TUBGCP3: variants seen among roughly 807,000 people sequenced by gnomAD.
TUBGCP3 encodes the protein tubulin gamma complex component 3.
In TUBGCP3, 50 loss-of-function variants were observed where a neutral mutation model predicts 123.1. The observed-to-expected ratio is 0.41, with a 90% CI of 0.32 to 0.51. The LOEUF (loss-of-function observed/expected upper bound fraction) is 0.51, where lower values mean the gene tolerates loss of function less well. TUBGCP3 is among the 20% of genes least tolerant of loss of function. TUBGCP3 has a pLI of 0.36. For synonymous variants in TUBGCP3, 405 were observed against 413.9 expected, an observed-to-expected ratio of 0.98 and a Z score of 0.26; for missense variants, 882 against 1,127.0, an observed-to-expected ratio of 0.78 and a Z score of 3.11.
In TUBGCP3 at chr13:112,547,734, G is replaced by T; in HGVS notation, c.1054C>A (p.Gln352Lys). 1 of 1,512,902 alleles carries T rather than the reference G, an allele frequency of 6.6e-7. No homozygotes were observed. The highest frequency in any genetic ancestry group is 8.9e-7 in the Non-Finnish European group (1 of 1,127,852). 93.7% of individuals were successfully genotyped at this position (1,512,902 alleles called of 1,614,324 possible). ...CTCTCAAGTCCCAAATTCACACCCT[G>T]GTCATCCTCTAGTTGTAGCTAAAAA... ...LHSQLQLEDD[Q>K]GVNLGLESSL... Residue 352 changes from glutamine (Q) to lysine (K), a missense_variant, in exon 10 of 22, where the codon CAG (glutamine) becomes AAG (lysine). This residue lies in a region of TUBGCP3 where 713 missense variants were observed against 874.0 expected (regional missense o/e 0.82). Transcript: ENST00000261965.
chr13:112,588,596 G>C (rs1882795968), upstream of TUBGCP3, among the ~76,000 whole-genome samples: 1 of 152,168 alleles, frequency 6.6e-6, no homozygotes, highest in Non-Finnish European at 1.5e-5. Flanking sequence ...GCACTGCCGC[G>C]CGGGCCGGTC....
At chr13:112,493,459 C>T in intron 20 of TUBGCP3, among the ~76,000 whole-genome samples, 1 of 146,826 alleles carries the variant, frequency 6.8e-6, no homozygotes, top group South Asian at 2.2e-4. Flanking sequence ...GCCTGAGACA[C>T]TCTAGCTTTG....
intron 11 of TUBGCP3, among the ~76,000 whole-genome samples, chr13:112,528,703 A>T (rs1277520172): frequency 6.6e-6 from 1 of 151,964 alleles, no homozygotes; most frequent in Admixed American, 6.6e-5. Flanking sequence ...GTTCTGATCT[A>T]TTTTTTTGTT....
At chr13:112,578,283 G>C (rs890605388) in intron 1 of TUBGCP3, among the ~76,000 whole-genome samples, 5 of 151,966 alleles carry the variant, frequency 3.3e-5, no homozygotes, top group Non-Finnish European at 4.4e-5. Flanking sequence ...CTCTCGGCCG[G>C]GCGCGGTGGC....
chr13:112,570,581 C>G (rs574729920), intron 1 of TUBGCP3, among the ~76,000 whole-genome samples: 67 of 152,312 alleles, frequency 4.4e-4, no homozygotes, highest in African/African-American at 1.6e-3. Flanking sequence ...TTCAGCAAGT[C>G]GAAATCTTTT....
intron 1 of TUBGCP3, among the ~76,000 whole-genome samples, chr13:112,570,909 C>G (rs995417351): frequency 2.0e-5 from 3 of 152,220 alleles, no homozygotes; most frequent in Non-Finnish European, 1.5e-5. Flanking sequence ...GATTCCACCT[C>G]AAGAAACCAC....
At position 112,554,873 on chromosome 13, in the gene TUBGCP3, T is replaced by A; in HGVS notation, c.840+14A>T. On this transcript the variant is annotated intron_variant, in intron 7 of 21. Transcript: ENST00000261965. Reference sequence around the variant, plus strand: ...CTTTCTGAATATTTTAACTTAGATTTTATGTTACTGTACCTTTCCTTCTAC... The same window carrying A: ...CTTTCTGAATATTTTAACTTAGATTATATGTTACTGTACCTTTCCTTCTAC... The A allele has an allele frequency of 2.6e-6, 4 of 1,537,346 alleles. No individual in the cohort carries two copies. The highest frequency in any genetic ancestry group is 3.5e-6 in the Non-Finnish European group (4 of 1,128,154).
chr13:112,514,851 G>A (rs997123886), intron 17 of TUBGCP3, among the ~76,000 whole-genome samples: 1 of 152,118 alleles, frequency 6.6e-6, no homozygotes, highest in African/African-American at 2.4e-5. Context: ...AACATGCATG[G>A]CATTATTTAT....
intron 3 of TUBGCP3, 147 bp downstream of exon 3, chr13:112,564,964 A>G: frequency 3.2e-6 from 2 of 620,312 alleles, no homozygotes; most frequent in South Asian, 7.2e-5. Context: ...AGCTCACACA[A>G]AAAAAGCAAA....
chr13:112,501,376 T>A (rs759779739), intron 19 of TUBGCP3, among the ~76,000 whole-genome samples: 1 of 152,224 alleles, frequency 6.6e-6, no homozygotes, highest in Non-Finnish European at 1.5e-5. Context: ...CCCACTGACA[T>A]TGACTTCAAG....
the TUBGCP3 span, among the ~76,000 whole-genome samples, chr13:112,600,201 C>G: frequency 8.3e-4 from 127 of 152,290 alleles, 3 homozygotes; most frequent in African/African-American, 3.0e-3. Flanking sequence ...TGTTTCTTCT[C>G]TCCATGATGT....
the TUBGCP3 span, among the ~76,000 whole-genome samples, chr13:112,595,700 A>G: frequency 6.6e-6 from 1 of 150,788 alleles, no homozygotes; most frequent in East Asian, 2.0e-4. Context: ...CTACTATGCG[A>G]TTGTGATTGA....
chr13:112,522,625 A>G (rs764468952), intron 13 of TUBGCP3, 116 bp from the exon 14 acceptor site: 7 of 960,930 alleles, frequency 7.3e-6, no homozygotes, highest in Non-Finnish European at 1.1e-5. Flanking sequence ...GGCATCAGTA[A>G]CAGACTGACC....
At chr13:112,589,428 G>C (rs1882828460), upstream of TUBGCP3, among the ~76,000 whole-genome samples, 1 of 152,206 alleles carries the variant, frequency 6.6e-6, no homozygotes, top group Non-Finnish European at 1.5e-5. Context: ...TATTACACTG[G>C]TTATGCCATA....
intron 11 of TUBGCP3, among the ~76,000 whole-genome samples, chr13:112,539,149 T>C (rs1042166294): frequency 2.6e-5 from 4 of 152,218 alleles, no homozygotes; most frequent in African/African-American, 4.8e-5. Context: ...AGATACGCTA[T>C]ACACTTCCTA....
At chr13:112,586,462 T>C (rs1340061846) in intron 1 of TUBGCP3, among the ~76,000 whole-genome samples, 1 of 152,130 alleles carries the variant, frequency 6.6e-6, no homozygotes, top group Non-Finnish European at 1.5e-5. Flanking sequence ...ACATGAAACA[T>C]GTGAAAGGAA....
At chr13:112,601,095 G>A in the TUBGCP3 span, among the ~76,000 whole-genome samples, 18 of 150,040 alleles carry the variant, frequency 1.2e-4, no homozygotes, top group South Asian at 3.4e-3. Flanking sequence ...GCTGAGACAG[G>A]AGAATTGCTT....
chr13:112,598,221 G>A, the TUBGCP3 span, among the ~76,000 whole-genome samples: 6 of 151,718 alleles, frequency 4.0e-5, no homozygotes, highest in African/African-American at 1.5e-4. Flanking sequence ...ATTTTACAAA[G>A]AAAGAGAAAC....
At chr13:112,596,133 G>A in the TUBGCP3 span, among the ~76,000 whole-genome samples, 4 of 152,188 alleles carry the variant, frequency 2.6e-5, no homozygotes, top group Non-Finnish European at 5.9e-5. Flanking sequence ...ACGCTAAATG[G>A]TGGTACTGTC....
Sources: gnomAD v4.1 joint callset for allele counts (sites outside exome capture counted in the v4.1 genomes callset) on GRCh38, gnomAD v4.1.1 for gene constraint, gnomAD v4.1.1 regional missense constraint, MANE v1.5 for transcripts, NCBI Gene and HGNC (gene_info 2026-07-23, HGNC 2026-07-21) for gene names.